JAK1: variants seen among roughly 807,000 people sequenced by gnomAD.
JAK1 encodes tyrosine-protein kinase JAK1.
In JAK1, 16 loss-of-function variants were observed where a neutral mutation model predicts 136.6. The ratio of observed to expected loss-of-function variants is 0.12; its 90% CI spans 0.08 to 0.18. The LOEUF (loss-of-function observed/expected upper bound fraction) is 0.18, where lower values mean the gene tolerates loss of function less well. Among genes scored for constraint, JAK1 ranks in the 10% least tolerant of loss-of-function variants. The pLI is 1.00. For synonymous variants in JAK1, 492 were observed against 519.5 expected (o/e 0.95, Z 0.72); for missense variants, 859 against 1,450.1 (o/e 0.59, Z 6.62).
At chr1:64,860,407 A>AC (rs1248828795) in intron 8 of JAK1, 145 bp from the exon 9 acceptor site, 3 of 380,894 alleles carry the variant, frequency 7.9e-6, no homozygotes, top group Admixed American at 4.6e-5. Context: ...TACTAAATAT[A>AC]CCCCTTGCAT....
At chr1:64,874,782 C>A (rs1413025712) in intron 4 of JAK1, among the ~76,000 whole-genome samples, 1 of 152,184 alleles carries the variant, frequency 6.6e-6, no homozygotes, top group African/African-American at 2.4e-5. Context: ...CAAAAAGCTG[C>A]TGCTACACTT....
chr1:64,909,016 G>C (rs746358056), intron 1 of JAK1, among the ~76,000 whole-genome samples: 3 of 151,988 alleles, frequency 2.0e-5, no homozygotes, highest in Non-Finnish European at 4.4e-5. Context: ...GAACGAACGA[G>C]CTAATTACAA....
At chr1:65,033,667 T>C (rs1647044677) in intron 2 of JAK1, among the ~76,000 whole-genome samples, 2 of 147,676 alleles carry the variant, frequency 1.4e-5, no homozygotes, top group Admixed American at 6.9e-5. Flanking sequence ...GCAGGAGGAC[T>C]GCTTGAGGCC....
At chr1:64,875,176 G>A (rs191751124) in intron 4 of JAK1, among the ~76,000 whole-genome samples, 11 of 152,326 alleles carry the variant, frequency 7.2e-5, no homozygotes, top group Admixed American at 5.2e-4. Context: ...GCGAGGTGCC[G>A]AGGAGACAGG....
At chr1:65,016,847 G>A (rs550217307) in intron 2 of JAK1, among the ~76,000 whole-genome samples, 72 of 151,668 alleles carry the variant, frequency 4.7e-4, no homozygotes, top group Non-Finnish European at 6.3e-4. Context: ...GCAGTGAGCC[G>A]AGATCGCGCC....
At chr1:64,836,722 C>T (rs1654501723) in intron 22 of JAK1, among the ~76,000 whole-genome samples, 1 of 152,188 alleles carries the variant, frequency 6.6e-6, no homozygotes. Flanking sequence ...TCAAACCCTA[C>T]TGTCACTCTC....
At chr1:64,966,732 G>T (rs550285166), upstream of JAK1, among the ~76,000 whole-genome samples, 85 of 149,662 alleles carry the variant, frequency 5.7e-4, no homozygotes, top group South Asian at 1.7e-3. Flanking sequence ...TCGCGAAGCT[G>T]CCCCCACTCG....
At chr1:64,857,375 C>T (rs1656006678) in intron 10 of JAK1, among the ~76,000 whole-genome samples, 1 of 152,188 alleles carries the variant, frequency 6.6e-6, no homozygotes, top group South Asian at 2.1e-4. Context: ...AATTGGTTTT[C>T]TGGTCATGTT....
At chr1:64,938,894 G>A (rs1645837844) in intron 1 of JAK1, among the ~76,000 whole-genome samples, 1 of 152,052 alleles carries the variant, frequency 6.6e-6, no homozygotes, top group Non-Finnish European at 1.5e-5. Flanking sequence ...ATCCTCCCCT[G>A]GCATTCTTAA....
At chr1:64,841,872 A>G (rs1479516567) in intron 17 of JAK1, among the ~76,000 whole-genome samples, 1 of 152,214 alleles carries the variant, frequency 6.6e-6, no homozygotes, top group Admixed American at 6.5e-5. Flanking sequence ...CTGGAATACA[A>G]TTGGGCAACA....
intron 2 of JAK1, among the ~76,000 whole-genome samples, chr1:65,018,022 G>A (rs142311932): frequency 1.6e-4 from 24 of 151,824 alleles, no homozygotes; most frequent in African/African-American, 4.6e-4. Context: ...GTTGGCCGGC[G>A]CTGGTCTCGA....
chr1:64,867,295 C>T, intron 6 of JAK1, 87 bp from the exon 7 acceptor site: 1 of 966,818 alleles, frequency 1.0e-6, no homozygotes, highest in Non-Finnish European at 1.5e-6. Flanking sequence ...CATGAATCCA[C>T]ATGTTGCCAA....
chr1:64,838,952 T>C lies in JAK1; in HGVS notation c.2843-363A>G, dbSNP rs191553236. Among the ~76,000 whole-genome samples the C allele has an allele frequency of 2.9e-3, 433 of 151,572 alleles. 2 individuals are homozygous for C. Among genetic ancestry groups the C allele is most frequent in the Admixed American group, 0.014 (218 of 15,224 alleles). On this transcript the variant is annotated intron_variant, in intron 20 of 24. Transcript: ENST00000342505. ...CGAGGTCAGGAGATCGAGACCATCC[T>C]GGCTAACACGGTGAAACCCCGTCTC... is the stretch of plus-strand genomic sequence containing the variant.
chr1:64,961,811 G>T (rs1287514943), intron 1 of JAK1, among the ~76,000 whole-genome samples: 2 of 152,068 alleles, frequency 1.3e-5, no homozygotes, highest in African/African-American at 4.8e-5. Flanking sequence ...CTCTCTTCAG[G>T]GTCCTGGAGC....
At chr1:64,846,823 A>G in intron 13 of JAK1, 87 bp from the exon 14 acceptor site, 1 of 1,032,116 alleles carries the variant, frequency 9.7e-7, no homozygotes, top group Non-Finnish European at 1.5e-6. Flanking sequence ...AAGCCAGTGG[A>G]CCCAGGAAAG....
At chr1:64,986,088 C>T in intron 2 of JAK1, 1 of 1,001,382 alleles carries the variant, frequency 1.0e-6, no homozygotes, top group Non-Finnish European at 1.5e-6. Flanking sequence ...CTTCTATGTC[C>T]CCCATGGCCT....
chr1:65,002,209 G>C (rs1646765347), intron 2 of JAK1: 2 of 152,218 alleles, frequency 1.3e-5, no homozygotes, highest in African/African-American at 4.8e-5. Flanking sequence ...ATATATGGGT[G>C]TGTATGTATA....
chr1:65,047,619 T>C (rs907279105), intron 1 of JAK1, among the ~76,000 whole-genome samples: 1 of 151,664 alleles, frequency 6.6e-6, no homozygotes, highest in African/African-American at 2.4e-5. Context: ...CTCGGGAGGC[T>C]GAGGCAGGAG....
intron 1 of JAK1, among the ~76,000 whole-genome samples, chr1:65,060,381 CAAAT>C (rs1444403250): frequency 6.6e-6 from 1 of 152,084 alleles, no homozygotes; most frequent in African/African-American, 2.4e-5. Flanking sequence ...AGTATGGAGA[CAAAT>C]AAATAATCCT....
Sources: gnomAD v4.1 joint callset for allele counts (sites outside exome capture counted in the v4.1 genomes callset) on GRCh38, gnomAD v4.1.1 for gene constraint, MANE v1.5 for transcripts, NCBI Gene and HGNC (gene_info 2026-07-23, HGNC 2026-07-21) for gene names.